The following LRP1B variants were observed in gnomAD, a reference collection of about 807,000 sequenced individuals.
The protein encoded by LRP1B is low-density lipoprotein receptor-related protein 1B.
Under a neutral mutation model 556.6 loss-of-function variants are expected in LRP1B, and 217 were observed. The observed-to-expected ratio is 0.39, with a 90% CI of 0.35 to 0.44. The LOEUF is 0.44. LRP1B is among the 20% of genes least tolerant of loss of function. The pLI, the probability that LRP1B is intolerant of heterozygous loss-of-function variation, is 1.00. For missense variants in LRP1B, 5,053 were observed against 5,620.8 expected, an observed-to-expected ratio of 0.90 and a Z score of 3.23; for synonymous variants, 2,047 against 1,865.8, an observed-to-expected ratio of 1.10 and a Z score of -2.50.
At chr2:141,086,056 T>C (rs997993748) in intron 7 of LRP1B, among the ~76,000 whole-genome samples, 3 of 152,206 alleles carry the variant, frequency 2.0e-5, no homozygotes, top group Non-Finnish European at 4.4e-5. Context: ...GGTCTGCTTG[T>C]TCTCTAATTG....
intron 1 of LRP1B, among the ~76,000 whole-genome samples, chr2:141,941,305 A>G (rs1269931562): frequency 6.6e-6 from 1 of 152,210 alleles, no homozygotes; most frequent in Non-Finnish European, 1.5e-5. Context: ...TAGCAAGTAG[A>G]ATATTATGTG....
At chr2:140,956,508 C>T (rs1179379124) in intron 18 of LRP1B, among the ~76,000 whole-genome samples, 1 of 151,576 alleles carries the variant, frequency 6.6e-6, no homozygotes, top group Non-Finnish European at 1.5e-5. Context: ...AAAAGTGGTG[C>T]TTTTAAAGAT....
chr2:141,850,040 A>G (rs1476117638), intron 1 of LRP1B, among the ~76,000 whole-genome samples: 5 of 151,762 alleles, frequency 3.3e-5, no homozygotes, highest in Non-Finnish European at 7.4e-5. Flanking sequence ...AAAAACCATC[A>G]GTAGATCAAG....
intron 1 of LRP1B, among the ~76,000 whole-genome samples, chr2:141,920,541 A>G (rs1049181900): frequency 3.3e-5 from 5 of 152,036 alleles, no homozygotes; most frequent in Non-Finnish European, 7.4e-5. Flanking sequence ...AGTTCAGGTT[A>G]TTATCACTGG....
intron 2 of LRP1B, among the ~76,000 whole-genome samples, chr2:141,615,090 T>C (rs1291076901): frequency 1.3e-5 from 2 of 152,184 alleles, no homozygotes; most frequent in Admixed American, 1.3e-4. Flanking sequence ...AATGAGAACA[T>C]GTATTGGAAA....
intron 3 of LRP1B, among the ~76,000 whole-genome samples, chr2:141,471,835 TAA>T (rs1437395980): frequency 6.6e-6 from 1 of 152,032 alleles, no homozygotes; most frequent in Non-Finnish European, 1.5e-5. Flanking sequence ...TGGCACATTT[TAA>T]AAAGTCTTTT....
intron 1 of LRP1B, among the ~76,000 whole-genome samples, chr2:141,995,756 A>G (rs1342483567): frequency 6.6e-6 from 1 of 152,194 alleles, no homozygotes; most frequent in African/African-American, 2.4e-5. Flanking sequence ...ATTGGTGAAA[A>G]CTTTCAAGAA....
chr2:140,549,021 C>A (rs939318047), intron 43 of LRP1B, among the ~76,000 whole-genome samples: 3 of 152,096 alleles, frequency 2.0e-5, no homozygotes, highest in African/African-American at 4.8e-5. Flanking sequence ...CAAAACCCTG[C>A]CACATTCATT....
At chr2:142,050,489 T>G in intron 1 of LRP1B, among the ~76,000 whole-genome samples, 1 of 152,136 alleles carries the variant, frequency 6.6e-6, no homozygotes, top group East Asian at 1.9e-4. Flanking sequence ...CCATTCTGAA[T>G]AAGTGTTAGG....
intron 66 of LRP1B, among the ~76,000 whole-genome samples, chr2:140,386,760 T>C (rs911482517): frequency 3.3e-5 from 5 of 152,176 alleles, no homozygotes; most frequent in Admixed American, 6.6e-5. Flanking sequence ...TTTAGCGCTT[T>C]TTACAACAAA....
intron 37 of LRP1B, among the ~76,000 whole-genome samples, chr2:140,713,431 C>A (rs1177188706): frequency 6.6e-6 from 1 of 151,726 alleles, no homozygotes; most frequent in Non-Finnish European, 1.5e-5. Context: ...GGGAAAGAAC[C>A]CTTTTGTCTA....
At chr2:141,891,519 A>G (rs1426251477) in intron 1 of LRP1B, among the ~76,000 whole-genome samples, 4 of 152,160 alleles carry the variant, frequency 2.6e-5, no homozygotes, top group Admixed American at 6.5e-5. Context: ...AATAAAAGCA[A>G]TGAAACAAGG....
In LRP1B at chr2:141,047,061, TAA is replaced by T. The variant is rs1384858352; in HGVS notation, c.1789+1923_1789+1924del. Among the ~76,000 whole-genome samples the T allele has an allele frequency of 2.8e-3, 21 of 7,406 alleles. 1 individual carries two copies. Among genetic ancestry groups the T allele is most frequent in the East Asian group, 0.014 (7 of 488 alleles). The allele number at this position is 7,406 out of a possible 152,430, so 4.9% of individuals were successfully genotyped here. ...TGCAGCACTGCACAAAAATTAATAA[TAA>T]TAATAATAATAATAATAATAATAAA... On this transcript the variant is annotated intron_variant, in intron 11 of 90. Coordinates refer to ENST00000389484, the MANE Select transcript of LRP1B (RefSeq NM_018557.3).
chr2:141,422,308 T>G (rs1680175443), intron 3 of LRP1B, among the ~76,000 whole-genome samples: 2 of 152,140 alleles, frequency 1.3e-5, no homozygotes, highest in Admixed American at 6.5e-5. Flanking sequence ...TCAGAAAAAT[T>G]TACTGAATAA....
intron 3 of LRP1B, among the ~76,000 whole-genome samples, chr2:141,474,302 G>A (rs1385710932): frequency 6.6e-6 from 1 of 152,148 alleles, no homozygotes; most frequent in Non-Finnish European, 1.5e-5. Context: ...TAAGTAAGAA[G>A]TTTAAAGAAT....
intron 2 of LRP1B, among the ~76,000 whole-genome samples, chr2:141,774,306 C>A (rs1265895253): frequency 1.3e-5 from 2 of 152,124 alleles, no homozygotes; most frequent in African/African-American, 4.8e-5. Context: ...GTGTTGGCAT[C>A]TACTTCTGGT....
At chr2:140,779,700 A>AG (rs1346599606) in intron 32 of LRP1B, among the ~76,000 whole-genome samples, 2 of 148,942 alleles carry the variant, frequency 1.3e-5, no homozygotes, top group African/African-American at 4.9e-5. Flanking sequence ...GTCTCAAAAA[A>AG]AAAAAAAAAA....
chr2:141,104,851 C>T (rs1292335497), intron 7 of LRP1B, among the ~76,000 whole-genome samples: 3 of 151,820 alleles, frequency 2.0e-5, no homozygotes, highest in East Asian at 1.9e-4. Context: ...ACCTGCCTGT[C>T]GTTAATATGA....
At chr2:140,855,530 C>A (rs955231777) in intron 27 of LRP1B, among the ~76,000 whole-genome samples, 7 of 137,852 alleles carry the variant, frequency 5.1e-5, no homozygotes, top group African/African-American at 1.9e-4. Flanking sequence ...CACAGTCTAC[C>A]TCACAAAGTG....
Sources: allele counts gnomAD v4.1 joint callset (sites outside exome capture counted in the v4.1 genomes callset), GRCh38; gene constraint gnomAD v4.1.1; transcripts MANE v1.5; gene names NCBI Gene and HGNC (gene_info 2026-07-23, HGNC 2026-07-21).